NOL4L: variants seen among roughly 807,000 people sequenced by gnomAD.
NOL4L encodes the protein nucleolar protein 4-like.
A neutral mutation model predicts 64.5 loss-of-function variants in NOL4L; 7 were observed. The observed-to-expected ratio is 0.11, with a 90% CI of 0.06 to 0.20. The LOEUF (loss-of-function observed/expected upper bound fraction) is 0.20. NOL4L is among the 10% of genes least tolerant of loss of function. NOL4L has a pLI of 1.00. For missense variants in NOL4L, 680 were observed against 967.1 expected (o/e 0.70, Z 3.94); for synonymous variants, 413 against 401.0 (o/e 1.03, Z -0.36).
chr20:32,500,352 ATT>A (rs778704594), intron 4 of NOL4L, among the ~76,000 whole-genome samples: 21 of 132,342 alleles, frequency 1.6e-4, no homozygotes, highest in South Asian at 2.4e-4. Context: ...GCCCAGCCAG[ATT>A]TTTTTTTTTT....
At chr20:32,561,482 T>G (rs1283421666) in intron 1 of NOL4L, among the ~76,000 whole-genome samples, 1 of 152,076 alleles carries the variant, frequency 6.6e-6, no homozygotes, top group Non-Finnish European at 1.5e-5. Context: ...GCCCAAAGGA[T>G]CTGGGCAGGG....
intron 4 of NOL4L, among the ~76,000 whole-genome samples, chr20:32,490,416 C>T (rs747128995): frequency 1.5e-4 from 23 of 152,072 alleles, no homozygotes; most frequent in Non-Finnish European, 2.6e-4. Flanking sequence ...GGGAGGCTTG[C>T]GACAGGTGGA....
intron 5 of NOL4L, among the ~76,000 whole-genome samples, chr20:32,457,610 C>T (rs2013673487): frequency 6.6e-6 from 1 of 152,214 alleles, no homozygotes; most frequent in East Asian, 1.9e-4. Context: ...GGGGCGGGTC[C>T]AGGCTGCCCA....
chr20:32,508,038 C>T (rs2017205577), intron 4 of NOL4L, among the ~76,000 whole-genome samples: 1 of 152,094 alleles, frequency 6.6e-6, no homozygotes, highest in Non-Finnish European at 1.5e-5. Flanking sequence ...TAAAATAAAA[C>T]AAAATATTTA....
At chr20:32,536,841 C>A (rs2018548427) in intron 1 of NOL4L, among the ~76,000 whole-genome samples, 1 of 126,082 alleles carries the variant, frequency 7.9e-6, no homozygotes, top group African/African-American at 3.1e-5. Context: ...GGGGGACACG[C>A]AGGAACGGGG....
intron 5 of NOL4L, among the ~76,000 whole-genome samples, chr20:32,462,270 C>G (rs1568610841): frequency 6.6e-6 from 1 of 152,200 alleles, no homozygotes; most frequent in Non-Finnish European, 1.5e-5. Context: ...GTTAGGCCGG[C>G]TAGAGGCAGG....
chr20:32,495,898 A>C (rs2016669678), intron 4 of NOL4L, among the ~76,000 whole-genome samples: 1 of 152,130 alleles, frequency 6.6e-6, no homozygotes. Flanking sequence ...TCAAGGCTGC[A>C]GTGAGCTGTG....
intron 3 of NOL4L, 142 bp downstream of exon 3, chr20:32,520,669 C>G (rs1215758023): frequency 1.3e-5 from 6 of 467,628 alleles, no homozygotes; most frequent in Non-Finnish European, 2.3e-5. Flanking sequence ...CTTTGGGCAG[C>G]ACCACGGACC....
At chr20:32,524,714 C>T (rs1033125089) in intron 2 of NOL4L, among the ~76,000 whole-genome samples, 2 of 152,176 alleles carry the variant, frequency 1.3e-5, no homozygotes, top group Non-Finnish European at 2.9e-5. Context: ...TTGGGGGCTC[C>T]TTCCACAGGC....
chr20:32,467,490 C>T (rs986738843), intron 5 of NOL4L, among the ~76,000 whole-genome samples: 5 of 152,148 alleles, frequency 3.3e-5, no homozygotes, highest in African/African-American at 1.2e-4. Context: ...GGGGATGCCG[C>T]TGAGGGTGGC....
chr20:32,488,827 T>TTTTCTTTCTTTC lies in NOL4L; in HGVS notation c.700-14097_700-14086dup, dbSNP rs1175303976. Reference sequence around the variant, plus strand: ...TCTTTTTCTTTCTTTCTTTCTTTCTTTTTCTTTCTTTCTTTCTTTCTTTCT... The same window carrying TTTTCTTTCTTTC: ...TCTTTTTCTTTCTTTCTTTCTTTCTTTTTCTTTCTTTCTTTCTTTCTTTCTTTCTTTCTTTCT... On this transcript the variant is annotated intron_variant, in intron 4 of 10. Coordinates refer to ENST00000621426, the MANE Select transcript of NOL4L (RefSeq NM_001256798.2). 4.5e-3 allele frequency among the ~76,000 whole-genome samples: 149 copies of TTTTCTTTCTTTC among 33,108 alleles called. 3 individuals are homozygous for TTTTCTTTCTTTC. Among genetic ancestry groups the TTTTCTTTCTTTC allele is most frequent in the Middle Eastern group, 0.012 (1 of 86 alleles). The allele number at this position is 33,108 out of a possible 152,430, so 21.7% of individuals were successfully genotyped here.
chr20:32,470,193 C>A (rs528453105), intron 5 of NOL4L, among the ~76,000 whole-genome samples: 1 of 152,260 alleles, frequency 6.6e-6, no homozygotes, highest in African/African-American at 2.4e-5. Context: ...CCTGCCCCCA[C>A]GCATCCCTTC....
At chr20:32,528,510 C>T (rs1935397065) in intron 1 of NOL4L, among the ~76,000 whole-genome samples, 1 of 152,236 alleles carries the variant, frequency 6.6e-6, no homozygotes, top group Non-Finnish European at 1.5e-5. Flanking sequence ...CACGAGGCCA[C>T]GAGGAGGTGG....
intron 1 of NOL4L, among the ~76,000 whole-genome samples, chr20:32,548,274 A>G (rs1052950029): frequency 6.6e-6 from 1 of 152,212 alleles, no homozygotes; most frequent in Admixed American, 6.5e-5. Context: ...GCAGGCATAC[A>G]ACAGATGCTC....
intron 4 of NOL4L, among the ~76,000 whole-genome samples, chr20:32,491,580 G>T (rs897831535): frequency 6.6e-6 from 1 of 152,088 alleles, no homozygotes; most frequent in Non-Finnish European, 1.5e-5. Flanking sequence ...TGCCTCACTC[G>T]GGCCCCTTCC....
At chr20:32,583,762 G>A (rs1359206199) in intron 1 of NOL4L, among the ~76,000 whole-genome samples, 3 of 145,316 alleles carry the variant, frequency 2.1e-5, no homozygotes, top group Non-Finnish European at 4.6e-5. Flanking sequence ...GCCCCCGCCC[G>A]GCCGCCCGCC....
chr20:32,447,429 A>AAGG lies in NOL4L; in HGVS notation c.*166_*167insCCT. 1.3e-6 allele frequency: 1 copy of AAGG among 757,712 alleles called. No homozygotes were observed. The allele number at this position is 757,712 out of a possible 1,614,324, so 46.9% of individuals were successfully genotyped here. On this transcript the variant is annotated 3_prime_UTR_variant, in exon 11 of 11. Coordinates refer to ENST00000621426, the MANE Select transcript of NOL4L (RefSeq NM_001256798.2). ...AAAAAAAAAAAAAAAAAAAAAAAAAAGTGTCCTTGTGCCCAAAGTCTCAGG... is the reference window on the plus strand; with the variant it reads ...AAAAAAAAAAAAAAAAAAAAAAAAAAAGGGTGTCCTTGTGCCCAAAGTCTCAGG...
intron 5 of NOL4L, among the ~76,000 whole-genome samples, chr20:32,473,354 G>A (rs1259097643): frequency 1.3e-5 from 2 of 152,274 alleles, no homozygotes; most frequent in East Asian, 1.9e-4. Flanking sequence ...CCCAGAGCAC[G>A]TGGCTGCCCC....
chr20:32,534,054 T>A (rs909397637), intron 1 of NOL4L, among the ~76,000 whole-genome samples: 1 of 152,250 alleles, frequency 6.6e-6, no homozygotes, highest in Admixed American at 6.5e-5. Flanking sequence ...ATAAGTTACA[T>A]ACTTATCAAG....
Sources: gnomAD v4.1 joint callset for allele counts (sites outside exome capture counted in the v4.1 genomes callset) on GRCh38, gnomAD v4.1.1 for gene constraint, MANE v1.5 for transcripts, NCBI Gene and HGNC (gene_info 2026-07-23, HGNC 2026-07-21) for gene names.